The following PRKDC variants were observed in gnomAD, a reference collection of about 807,000 sequenced individuals.
The protein encoded by PRKDC is protein kinase, DNA-activated, catalytic subunit.
PRKDC carries 82 observed loss-of-function variants against 486.9 expected under a neutral mutation model. The observed-to-expected ratio is 0.17, with a 90% CI of 0.14 to 0.20. PRKDC has a LOEUF of 0.20. PRKDC is among the 10% of genes least tolerant of loss of function. The probability of loss-of-function intolerance (pLI) is 1.00; values close to 1 mark genes in which losing one functional copy is unlikely to be tolerated. For missense variants in PRKDC, 4,504 were observed against 5,038.2 expected, an observed-to-expected ratio of 0.89 and a Z score of 3.21; for synonymous variants, 1,895 against 1,837.0, an observed-to-expected ratio of 1.03 and a Z score of -0.81.
At chr8:47,911,091 C>G (rs1268844559) in intron 25 of PRKDC, among the ~76,000 whole-genome samples, 3 of 152,090 alleles carry the variant, frequency 2.0e-5, no homozygotes, top group African/African-American at 7.2e-5. Context: ...ATTTTCTTAT[C>G]TTACAGTATT....
intron 61 of PRKDC, among the ~76,000 whole-genome samples, 170 bp downstream of exon 61, chr8:47,830,435 C>T (rs2087837319): frequency 6.6e-6 from 1 of 152,204 alleles, no homozygotes; most frequent in South Asian, 2.1e-4. Context: ...TAGGAAATGG[C>T]AGAGCCAGGA....
chr8:47,776,361 A>G (rs2086608670), intron 85 of PRKDC, among the ~76,000 whole-genome samples: 1 of 152,200 alleles, frequency 6.6e-6, no homozygotes, highest in Non-Finnish European at 1.5e-5. Flanking sequence ...TCATCTCCAT[A>G]AATTTCTATT....
intron 16 of PRKDC, among the ~76,000 whole-genome samples, chr8:47,932,274 G>C (rs893045232): frequency 6.6e-6 from 1 of 152,126 alleles, no homozygotes; most frequent in African/African-American, 2.4e-5. Flanking sequence ...TAGTAGAGAC[G>C]AGGTTTCACC....
intron 21 of PRKDC, among the ~76,000 whole-genome samples, chr8:47,919,776 GA>G (rs2090044770): frequency 6.7e-6 from 1 of 150,090 alleles, no homozygotes; most frequent in Non-Finnish European, 1.5e-5. Context: ...TAGTTCACTG[GA>G]AAAAACAGAT....
At chr8:47,864,384 TAA>T (rs1490974486) in intron 41 of PRKDC, among the ~76,000 whole-genome samples, 170 bp downstream of exon 41, 3 of 152,132 alleles carry the variant, frequency 2.0e-5, no homozygotes, top group African/African-American at 7.2e-5. Flanking sequence ...AAATTTGCGT[TAA>T]GTTGTTACAG....
chr8:47,900,145 A>C (rs573842448), intron 28 of PRKDC, among the ~76,000 whole-genome samples: 60 of 152,342 alleles, frequency 3.9e-4, no homozygotes, highest in Middle Eastern at 3.4e-3. Flanking sequence ...AACCAGGGTC[A>C]ACCTCAATGG....
chr8:47,831,678 G>A (rs2087879997), intron 60 of PRKDC, 136 bp downstream of exon 60: 2 of 868,610 alleles, frequency 2.3e-6, no homozygotes, highest in East Asian at 2.6e-5. Context: ...GCCCCAGGAG[G>A]CTGGTTTGGA....
chr8:47,794,301 C>G lies in PRKDC; in HGVS notation c.10659G>C (p.Glu3553Asp). 6.2e-7 allele frequency: 1 copy of G among 1,611,296 alleles called. No homozygotes were observed. The highest frequency in any genetic ancestry group is 1.1e-5 in the South Asian group (1 of 90,658). Residue 3553 changes from glutamate (E) to aspartate (D), a missense_variant, in exon 74 of 86, where the codon GAG (glutamate) becomes GAC (aspartate). Transcript: ENST00000314191. ...GTAATATTACCTACCTTGCCACAAACTCCTTATTCTTATGACCAGTAGAAG... is the reference window on the plus strand; with the variant it reads ...GTAATATTACCTACCTTGCCACAAAGTCCTTATTCTTATGACCAGTAGAAG... ...KDTSTGHKNK[E>D]FVARIKSKLD... is the part of the protein sequence containing the mutation.
intron 54 of PRKDC, 73 bp downstream of exon 54, chr8:47,849,081 A>T: frequency 6.5e-7 from 1 of 1,532,148 alleles, no homozygotes; most frequent in South Asian, 1.2e-5. Context: ...GTTCTTCTTG[A>T]GTTGGAGACG....
At chr8:47,853,929 C>T (rs2088475276) in intron 51 of PRKDC, among the ~76,000 whole-genome samples, 154 bp downstream of exon 51, 1 of 152,068 alleles carries the variant, frequency 6.6e-6, no homozygotes. Context: ...GCCTCTCAAA[C>T]GTGTTAGAAT....
chr8:47,924,112 A>G (rs1372971966), intron 21 of PRKDC, among the ~76,000 whole-genome samples: 1 of 152,184 alleles, frequency 6.6e-6, no homozygotes, highest in East Asian at 1.9e-4. Flanking sequence ...TTGATGCTCA[A>G]GTCATCACTA....
intron 68 of PRKDC, among the ~76,000 whole-genome samples, chr8:47,812,638 G>A (rs79601858): frequency 0.014 from 2,114 of 152,166 alleles, 37 homozygotes; most frequent in African/African-American, 0.04. Flanking sequence ...CTTATATTAG[G>A]AGGAAGAAAA....
chr8:47,825,520 A>AAC lies in PRKDC; in HGVS notation c.8783+1135_8783+1136insGT, dbSNP rs1475847860. On this transcript the variant is annotated intron_variant, in intron 63 of 85. Transcript: ENST00000314191. ...AGACTGTCTCAAAAAAAAAAAAAAAAAAAAAAAAAAAAAGCTAAACTATGT... is the reference window on the plus strand; with the variant it reads ...AGACTGTCTCAAAAAAAAAAAAAAAAACAAAAAAAAAAAAAGCTAAACTATGT... Among the ~76,000 whole-genome samples, 416 of 150,594 alleles carry AAC rather than the reference A, an allele frequency of 2.8e-3. 5 individuals are homozygous for AAC. Among genetic ancestry groups the AAC allele is most frequent in the African/African-American group, 9.2e-3 (375 of 40,770 alleles).
intron 54 of PRKDC, among the ~76,000 whole-genome samples, chr8:47,842,357 T>C (rs573543902): frequency 3.3e-5 from 5 of 152,274 alleles, no homozygotes; most frequent in South Asian, 4.1e-4. Flanking sequence ...TACTGGATCA[T>C]AGTCTGAATT....
chr8:47,781,851 G>A (rs1466342981), intron 80 of PRKDC, among the ~76,000 whole-genome samples: 1 of 152,132 alleles, frequency 6.6e-6, no homozygotes, highest in South Asian at 2.1e-4. Flanking sequence ...GTTCATACAC[G>A]TTAAAAATTG....
intron 1 of PRKDC, 91 bp from the exon 2 acceptor site, chr8:47,957,522 T>G: frequency 1.8e-6 from 2 of 1,127,172 alleles, no homozygotes; most frequent in Non-Finnish European, 2.5e-6. Context: ...TTCTTATTAT[T>G]TTTTTTGAGA....
chr8:47,779,230 T>G lies in PRKDC; in HGVS notation c.11490-137A>C, dbSNP rs2086659314. ...TAATAAGACTTTTAACCATATTCAA[T>G]ATTAACATTGAACCCACATTACTCT... On this transcript the variant is annotated intron_variant, in intron 80 of 85. Coordinates refer to ENST00000314191, the MANE Select transcript of PRKDC (RefSeq NM_006904.7). 6.6e-6 allele frequency: 4 copies of G among 608,170 alleles called. No individual in the cohort carries two copies. The South Asian group carries it at 9.3e-5, about 14-fold the overall frequency. 37.7% of individuals were successfully genotyped at this position (608,170 alleles called of 1,614,324 possible). A position where few individuals can be genotyped will look rare whatever the true frequency, so the allele number is the denominator to read the frequency against.
intron 40 of PRKDC, among the ~76,000 whole-genome samples, chr8:47,867,950 G>A (rs2088855651): frequency 6.6e-6 from 1 of 152,106 alleles, no homozygotes; most frequent in South Asian, 2.1e-4. Context: ...AAATTATAAT[G>A]AGTTTTCTTC....
chr8:47,843,710 C>T (rs2088203667), intron 54 of PRKDC, among the ~76,000 whole-genome samples: 2 of 152,178 alleles, frequency 1.3e-5, no homozygotes, highest in Admixed American at 1.3e-4. Flanking sequence ...CAGCAGAAAC[C>T]TTAAAAACCA....
Sources: allele counts gnomAD v4.1 joint callset (sites outside exome capture counted in the v4.1 genomes callset), GRCh38; gene constraint gnomAD v4.1.1; transcripts MANE v1.5; gene names NCBI Gene and HGNC (gene_info 2026-07-23, HGNC 2026-07-21).